The following PCDHGA2 variants were observed in gnomAD, a reference collection of about 807,000 sequenced individuals.
PCDHGA2 encodes the protein protocadherin gamma subfamily A, 2.
In PCDHGA2, 40 loss-of-function variants were observed where a neutral mutation model predicts 59.2. The observed-to-expected ratio is 0.68, with a 90% CI of 0.52 to 0.88. The LOEUF (loss-of-function observed/expected upper bound fraction) is 0.88. PCDHGA2 is among the 40% of genes least tolerant of loss of function. The pLI is 0.00. For synonymous variants in PCDHGA2, 560 were observed against 526.0 expected (o/e 1.06, Z -0.89); for missense variants, 1,226 against 1,204.0 (o/e 1.02, Z -0.27).
At position 141,485,162 on chromosome 5, in the gene PCDHGA2, C is replaced by A. The variant is rs759021453; in HGVS notation, c.2425-9645C>A. The A allele has an allele frequency of 8.7e-6, 14 of 1,602,188 alleles. No individual in the cohort carries two copies. The Admixed American group carries it at 2.0e-4, about 23-fold the overall frequency. ...GTCTCAGGAGCAAGTAGAGAATTAGCGGGCGGCAGCAATGCTCCGCAAGGT... is the reference window on the plus strand; with the variant it reads ...GTCTCAGGAGCAAGTAGAGAATTAGAGGGCGGCAGCAATGCTCCGCAAGGT... On this transcript the variant is annotated intron_variant, in intron 1 of 3. Transcript: ENST00000394576. The surrounding 1 kb of genome is among the most constrained non-coding windows in gnomAD (Gnocchi z 5.7).
At chr5:141,346,637 G>C (rs1303742317) in intron 1 of PCDHGA2, 2 of 910,860 alleles carry the variant, frequency 2.2e-6, no homozygotes, top group Admixed American at 2.9e-5. Flanking sequence ...GTCTGGTTAT[G>C]GTTGAGTGGG....
intron 1 of PCDHGA2, chr5:141,416,346 T>A (rs2096017940): frequency 6.6e-6 from 1 of 152,238 alleles, no homozygotes; most frequent in African/African-American, 2.4e-5. Flanking sequence ...TCAATAGGGA[T>A]CCTGAGGAGG....
chr5:141,446,528 G>A (rs2098505974), intron 1 of PCDHGA2, among the ~76,000 whole-genome samples: 1 of 151,952 alleles, frequency 6.6e-6, no homozygotes, highest in South Asian at 2.1e-4. Flanking sequence ...CCAGGCTGGA[G>A]TGCAGTGGCC....
chr5:141,476,926 T>G lies in PCDHGA2; in HGVS notation c.2425-17881T>G, dbSNP rs779017502. ...GCGTGGTACAAGTCCTTGCAACGGA[T>G]CTGGATGAAGGCCCCAACGGTGAAA... is the stretch of plus-strand genomic sequence containing the variant. On this transcript the variant is annotated intron_variant, in intron 1 of 3. Coordinates refer to ENST00000394576, the MANE Select transcript of PCDHGA2 (RefSeq NM_018915.4). The surrounding 1 kb of genome is among the most constrained non-coding windows in gnomAD (Gnocchi z 7.6). 1 of 1,614,072 alleles carries G rather than the reference T, an allele frequency of 6.2e-7. No homozygotes were observed. The highest frequency in any genetic ancestry group is 1.1e-5 in the South Asian group (1 of 91,092).
chr5:141,370,825 AACTGGCTCTC>A (rs1767227314), intron 1 of PCDHGA2: 3 of 1,614,070 alleles, frequency 1.9e-6, no homozygotes, highest in Admixed American at 3.3e-5. Context: ...GAAATCAGCG[AACTGGCTCTC>A]ACTGGAGCCA....
At chr5:141,456,918 G>C (rs535602842) in intron 1 of PCDHGA2, among the ~76,000 whole-genome samples, 49 of 152,124 alleles carry the variant, frequency 3.2e-4, no homozygotes, top group African/African-American at 1.2e-3. Context: ...AGCCGAGATC[G>C]CACCACTGCA....
rs866878519 is a variant in PCDHGA2, at chr5:141,486,035, C to A, written c.2425-8772C>A. ...TTATTTCAGTGGTCATACCCCTGAT[C>A]GTGTAAGAAACCTCTTTAGCCTGCA... is the stretch of plus-strand genomic sequence containing the variant. On this transcript the variant is annotated intron_variant, in intron 1 of 3. Coordinates refer to ENST00000394576, the MANE Select transcript of PCDHGA2 (RefSeq NM_018915.4). This position sits in a 1 kb window ranked among gnomAD's most constrained non-coding sequence, Gnocchi z 5.0. The A allele has an allele frequency of 1.9e-6, 3 of 1,614,100 alleles. No homozygotes were observed. The East Asian group carries it at 6.7e-5, about 36-fold the overall frequency.
intron 1 of PCDHGA2, chr5:141,373,940 C>T: frequency 1.4e-6 from 1 of 716,494 alleles, no homozygotes; most frequent in East Asian, 3.0e-5. Flanking sequence ...AGCAGGAAAG[C>T]TGTGCAGAAA....
chr5:141,395,022 G>T, intron 1 of PCDHGA2: 1 of 1,614,128 alleles, frequency 6.2e-7, no homozygotes, highest in Non-Finnish European at 8.5e-7. Context: ...AGGCGTGCCT[G>T]CCTCACATTT....
intron 1 of PCDHGA2, among the ~76,000 whole-genome samples, chr5:141,466,540 G>T (rs1302720337): frequency 6.6e-6 from 1 of 152,094 alleles, no homozygotes; most frequent in Non-Finnish European, 1.5e-5. Context: ...GATGTAGATG[G>T]TCTTTTGCTG....
chr5:141,499,414 T>C (rs543824206), intron 2 of PCDHGA2, among the ~76,000 whole-genome samples: 1 of 151,804 alleles, frequency 6.6e-6, no homozygotes, highest in Non-Finnish European at 1.5e-5. Context: ...TATAGAAACA[T>C]GAAAAATAGA....
Position 141,341,329 on chromosome 5 carries a change from G to A in PCDHGA2, c.2358G>A (p.Glu786=), listed in dbSNP as rs753009356. 20 of 1,614,122 alleles carry A rather than the reference G, an allele frequency of 1.2e-5. No homozygotes were observed. The highest frequency in any genetic ancestry group is 1.6e-5 in the Non-Finnish European group (19 of 1,180,046). The change falls in exon 1 of 4, where the codon GAG becomes GAA. Residue 786 remains glutamate (E), a synonymous_variant. Transcript: ENST00000394576. ...ADTLISQESC[E]KKDFLSAPQS... is the part of the protein sequence containing the mutation. ...CGCTCATCAGCCAGGAGAGCTGTGA[G>A]AAAAAGGATTTTTTATCAGCGCCTC...
chr5:141,351,009 A>G (rs759181434), intron 1 of PCDHGA2: 41 of 1,613,964 alleles, frequency 2.5e-5, no homozygotes, highest in African/African-American at 2.7e-5. Flanking sequence ...AGCCTCCAAG[A>G]AAACGTACCG....
chr5:141,340,142 C>T lies in PCDHGA2; in HGVS notation c.1171C>T (p.Pro391Ser), dbSNP rs1423721423. 1.9e-6 allele frequency: 3 copies of T among 1,614,172 alleles called. No homozygotes were observed. The highest frequency in any genetic ancestry group is 1.6e-4 in the Middle Eastern group (1 of 6,062). ...FTTCSLPEDLPFKLEKSVDNY... is the reference protein window; with the variant it reads ...FTTCSLPEDLSFKLEKSVDNY... ...CACCTGTTCACTCCCCGAGGATCTT[C>T]CTTTTAAGTTAGAAAAGTCAGTAGA... Residue 391 changes from proline (P) to serine (S), a missense_variant, in exon 1 of 4, where the codon CCT (proline) becomes TCT (serine). Transcript: ENST00000394576.
At chr5:141,374,589 G>T (rs1385892757) in intron 1 of PCDHGA2, 1 of 1,613,558 alleles carries the variant, frequency 6.2e-7, no homozygotes, top group Admixed American at 1.7e-5. Context: ...TCCCTTCAGG[G>T]ATTTAAGCTC....
rs1055242827 is a variant in PCDHGA2 at position 141,371,130 on chromosome 5, A to C, written c.2424+29735A>C. 6.8e-6 allele frequency: 11 copies of C among 1,613,896 alleles called. No homozygotes were observed. The South Asian group carries it at 1.2e-4, about 18-fold the overall frequency. Reference sequence around the variant, plus strand: ...TAACCCCCCAGTATTTACTCAGGACATGTACAGGGTCAATGTTGCAGAGAA... The same window carrying C: ...TAACCCCCCAGTATTTACTCAGGACCTGTACAGGGTCAATGTTGCAGAGAA... On this transcript the variant is annotated intron_variant, in intron 1 of 3. Transcript: ENST00000394576.
chr5:141,370,623 G>A (rs1269464778), intron 1 of PCDHGA2: 3 of 1,613,940 alleles, frequency 1.9e-6, no homozygotes, highest in East Asian at 2.2e-5. Flanking sequence ...ATTCTTTACC[G>A]TGAGCCCCGA....
At chr5:141,397,569 G>A (rs996927698) in intron 1 of PCDHGA2, among the ~76,000 whole-genome samples, 2 of 152,162 alleles carry the variant, frequency 1.3e-5, no homozygotes, top group Non-Finnish European at 2.9e-5. Context: ...CTGAGAGCAA[G>A]AACTGTATCA....
chr5:141,445,034 A>T (rs963629240), intron 1 of PCDHGA2, among the ~76,000 whole-genome samples: 4 of 152,156 alleles, frequency 2.6e-5, no homozygotes, highest in Admixed American at 2.0e-4. Context: ...GCTATGTTGT[A>T]TAGTTTTCAG....
Sources: allele counts gnomAD v4.1 joint callset (sites outside exome capture counted in the v4.1 genomes callset), GRCh38; gene constraint gnomAD v4.1.1; non-coding constraint Gnocchi (gnomAD v3.1); transcripts MANE v1.5; gene names NCBI Gene and HGNC (gene_info 2026-07-23, HGNC 2026-07-21).